The following AXDND1 variants were observed in gnomAD, a reference collection of about 807,000 sequenced individuals.
The protein encoded by AXDND1 is axonemal dynein light chain domain-containing protein 1.
AXDND1 carries 110 observed loss-of-function variants against 137.5 expected under a neutral mutation model. That is an observed-to-expected ratio of 0.80 (90% CI 0.69 to 0.94). The LOEUF (loss-of-function observed/expected upper bound fraction) is 0.94, where lower values mean the gene tolerates loss of function less well. Ranked by LOEUF, AXDND1 falls within the 40% of genes least tolerant of loss-of-function variation. AXDND1 has a pLI of 0.00. For missense variants in AXDND1, 1,191 were observed against 1,169.8 expected, an observed-to-expected ratio of 1.02 and a Z score of -0.26; for synonymous variants, 414 against 399.7, an observed-to-expected ratio of 1.04 and a Z score of -0.43.
chr1:179,515,613 C>T (rs563915122), intron 21 of AXDND1, among the ~76,000 whole-genome samples: 10 of 152,218 alleles, frequency 6.6e-5, no homozygotes, highest in African/African-American at 2.4e-4. Flanking sequence ...ATTTGGATGT[C>T]TAGATCTCTA....
At chr1:179,479,534 T>C (rs1372388775) in intron 17 of AXDND1, among the ~76,000 whole-genome samples, 7 of 150,860 alleles carry the variant, frequency 4.6e-5, no homozygotes, top group Non-Finnish European at 1.0e-4. Context: ...TCCTAGCACT[T>C]TGGGAGGCTG....
intron 12 of AXDND1, among the ~76,000 whole-genome samples, chr1:179,417,118 T>C (rs11586744): frequency 0.29 from 44,580 of 151,998 alleles, 6,750 homozygotes; most frequent in Non-Finnish European, 0.31. Context: ...CATACCTGTT[T>C]GCCATTTGTA....
At chr1:179,463,458 G>C (rs6659572) in intron 16 of AXDND1, among the ~76,000 whole-genome samples, 9,566 of 152,200 alleles carry the variant, frequency 0.063, 360 homozygotes, top group African/African-American at 0.071. Flanking sequence ...CTGAGTTCTA[G>C]TTTGATTGCA....
intron 16 of AXDND1, chr1:179,449,056 T>C: frequency 2.4e-6 from 1 of 421,158 alleles, no homozygotes; most frequent in South Asian, 1.7e-5. Flanking sequence ...TGACTAATTT[T>C]TTTATTTTTT....
At chr1:179,403,324 C>G (rs1256311613) in intron 11 of AXDND1, among the ~76,000 whole-genome samples, 1 of 152,192 alleles carries the variant, frequency 6.6e-6, no homozygotes, top group African/African-American at 2.4e-5. Context: ...GTAACTACAA[C>G]TGCAGACCTG....
At chr1:179,422,320 G>A (rs1049702374) in intron 12 of AXDND1, among the ~76,000 whole-genome samples, 2 of 147,826 alleles carry the variant, frequency 1.4e-5, no homozygotes, top group African/African-American at 5.0e-5. Flanking sequence ...ATAGATTTTT[G>A]TATGCTGTTT....
intron 12 of AXDND1, among the ~76,000 whole-genome samples, chr1:179,422,283 C>G (rs1655881116): frequency 7.0e-6 from 1 of 141,940 alleles, no homozygotes; most frequent in Admixed American, 7.1e-5. Context: ...ATAAACTTAT[C>G]TGTTCATACT....
intron 15 of AXDND1, among the ~76,000 whole-genome samples, chr1:179,436,598 C>A (rs963364875): frequency 2.6e-5 from 4 of 152,124 alleles, no homozygotes; most frequent in Non-Finnish European, 5.9e-5. Context: ...GAACAGAAAA[C>A]AAAACACTGC....
intron 6 of AXDND1, 104 bp downstream of exon 6, chr1:179,379,586 G>A: frequency 6.9e-7 from 1 of 1,439,722 alleles, no homozygotes; most frequent in Non-Finnish European, 9.3e-7. Context: ...CTGAGGTCAG[G>A]AGTTCAAGAC....
chr1:179,517,165 G>A (rs1332020104), intron 21 of AXDND1, among the ~76,000 whole-genome samples: 1 of 152,210 alleles, frequency 6.6e-6, no homozygotes, highest in Non-Finnish European at 1.5e-5. Context: ...CCAGGTCAGT[G>A]GAGTTATGTA....
chr1:179,369,718 A>G (rs1437591046), intron 3 of AXDND1, among the ~76,000 whole-genome samples: 3 of 152,142 alleles, frequency 2.0e-5, no homozygotes, highest in African/African-American at 7.2e-5. Flanking sequence ...ATTGTTTCCA[A>G]GGCTTGAGTA....
intron 16 of AXDND1, chr1:179,448,412 C>T (rs929791282): frequency 4.9e-6 from 3 of 608,206 alleles, no homozygotes; most frequent in South Asian, 3.7e-5. Flanking sequence ...ATCCATTATG[C>T]ATGTGATTTG....
intron 15 of AXDND1, among the ~76,000 whole-genome samples, chr1:179,432,658 T>C (rs1399899190): frequency 6.6e-6 from 1 of 152,182 alleles, no homozygotes. Context: ...ACTCCTGACC[T>C]GAAGTGATCC....
chr1:179,482,817 C>G (rs1432245154), intron 17 of AXDND1, among the ~76,000 whole-genome samples: 1 of 151,632 alleles, frequency 6.6e-6, no homozygotes, highest in East Asian at 1.9e-4. Flanking sequence ...TCATTCTTCT[C>G]ACATAGTACT....
Position 179,468,597 on chromosome 1 carries a change from C to G in AXDND1, c.1953C>G (p.Asn651Lys), listed in dbSNP as rs1315028425. 3 of 1,612,338 alleles carry G rather than the reference C, an allele frequency of 1.9e-6. No homozygotes were observed. The highest frequency in any genetic ancestry group is 2.5e-6 in the Non-Finnish European group (3 of 1,179,598). The stretch of plus-strand genomic sequence containing the variant: ...AATCACACTTGGATATATTGTTAAA[C>G]CTTACTGGTATTGTTCCACAGCACA... ...EMKSHLDILL[N>K]LTGIVPQHID... Residue 651 changes from asparagine (N) to lysine (K), a missense_variant, in exon 17 of 26, where the codon AAC becomes AAG. Coordinates refer to ENST00000367618, the MANE Select transcript of AXDND1 (RefSeq NM_144696.6).
intron 6 of AXDND1, among the ~76,000 whole-genome samples, chr1:179,381,595 C>T (rs978937212): frequency 2.7e-5 from 4 of 150,026 alleles, no homozygotes; most frequent in Non-Finnish European, 5.9e-5. Context: ...CCACCCACCT[C>T]GGCCTCCCAA....
At chr1:179,369,037 GTATT>G in intron 3 of AXDND1, 65 bp downstream of exon 3, 1 of 1,427,038 alleles carries the variant, frequency 7.0e-7, no homozygotes, top group Non-Finnish European at 9.6e-7. Flanking sequence ...TATTCTTTAA[GTATT>G]TATTATGCAC....
At chr1:179,539,262 TTG>T (rs1166842544) in intron 25 of AXDND1, among the ~76,000 whole-genome samples, 7 of 152,220 alleles carry the variant, frequency 4.6e-5, no homozygotes, top group Non-Finnish European at 1.0e-4. Context: ...TGCCCATTAG[TTG>T]ATGCAGTTTC....
chr1:179,424,227 C>G (rs1416317173), intron 12 of AXDND1, among the ~76,000 whole-genome samples: 1 of 152,006 alleles, frequency 6.6e-6, no homozygotes, highest in African/African-American at 2.4e-5. Flanking sequence ...AAGTCTGTTG[C>G]TAGGTAAGTT....
Sources: allele counts gnomAD v4.1 joint callset (sites outside exome capture counted in the v4.1 genomes callset), GRCh38; gene constraint gnomAD v4.1.1; transcripts MANE v1.5; gene names NCBI Gene and HGNC (gene_info 2026-07-23, HGNC 2026-07-21).